Variants in NHSL1 observed in about 807,000 individuals in gnomAD.
NHSL1 encodes NHS like 1.
NHSL1 carries 48 observed loss-of-function variants against 95.0 expected under a neutral mutation model. That is an observed-to-expected ratio of 0.51 (90% CI 0.40 to 0.64). The LOEUF is 0.64. Ranked by LOEUF, NHSL1 falls within the 30% of genes least tolerant of loss-of-function variation. The probability of loss-of-function intolerance (pLI) is 0.00; values close to 1 mark genes in which losing one functional copy is unlikely to be tolerated. For missense variants in NHSL1, 1,971 were observed against 2,077.7 expected, an observed-to-expected ratio of 0.95 and a Z score of 1.00; for synonymous variants, 783 against 833.9, an observed-to-expected ratio of 0.94 and a Z score of 1.05.
intron 3 of NHSL1, among the ~76,000 whole-genome samples, chr6:138,457,055 A>G (rs1777661469): frequency 6.6e-6 from 1 of 151,686 alleles, no homozygotes; most frequent in Non-Finnish European, 1.5e-5. Context: ...TAATTTTTAT[A>G]TTTTCAGTAG....
At chr6:138,632,453 C>T (rs1053807975) in intron 1 of NHSL1, among the ~76,000 whole-genome samples, 2 of 152,200 alleles carry the variant, frequency 1.3e-5, no homozygotes, top group Non-Finnish European at 2.9e-5. Context: ...TGACCCAGCG[C>T]GGTCCTAGTA....
intron 1 of NHSL1, among the ~76,000 whole-genome samples, chr6:138,508,387 T>C (rs1781066122): frequency 2.0e-5 from 3 of 152,208 alleles, no homozygotes; most frequent in Admixed American, 6.5e-5. Context: ...GTTGGAATTA[T>C]TGGTGAGTAT....
rs1784194463 is a variant in NHSL1, at chr6:138,589,621, C to T, written c.97-93250G>A. On this transcript the variant is annotated intron_variant, in intron 1 of 3. Transcript: ENST00000491526. ...CTGTACCCTCCCCAGCCTCCTTTTA[C>T]CCTAAACCCTCATCTATGCCTTCCC... 3.3e-5 allele frequency among the ~76,000 whole-genome samples: 5 copies of T among 152,204 alleles called. 1 individual carries two copies.
intron 1 of NHSL1, among the ~76,000 whole-genome samples, chr6:138,592,107 T>G (rs1237292231): frequency 6.6e-6 from 1 of 152,164 alleles, no homozygotes; most frequent in Non-Finnish European, 1.5e-5. Flanking sequence ...GAGAATTTAA[T>G]TATCACCCTC....
At chr6:138,669,622 GA>G (rs1319963808) in intron 1 of NHSL1, among the ~76,000 whole-genome samples, 1 of 152,204 alleles carries the variant, frequency 6.6e-6, no homozygotes, top group East Asian at 1.9e-4. Flanking sequence ...GGTTAAAACA[GA>G]AGGTTTCTGG....
At chr6:138,603,174 T>C (rs1784392852) in intron 1 of NHSL1, among the ~76,000 whole-genome samples, 1 of 152,210 alleles carries the variant, frequency 6.6e-6, no homozygotes, top group Non-Finnish European at 1.5e-5. Context: ...AGGGGATTAT[T>C]TATACCATTT....
chr6:138,678,650 A>G (rs1785476833), intron 1 of NHSL1, among the ~76,000 whole-genome samples: 1 of 152,218 alleles, frequency 6.6e-6, no homozygotes, highest in South Asian at 2.1e-4. Context: ...ATACTTCATC[A>G]TTTCATCTCT....
chr6:138,594,983 C>A (rs1230172389), intron 1 of NHSL1, among the ~76,000 whole-genome samples: 3 of 152,110 alleles, frequency 2.0e-5, no homozygotes, highest in African/African-American at 7.2e-5. Context: ...AGCACATGAC[C>A]CTAATTTGCA....
chr6:138,483,353 T>C (rs1005930863), intron 2 of NHSL1, among the ~76,000 whole-genome samples: 2 of 152,162 alleles, frequency 1.3e-5, no homozygotes, highest in African/African-American at 2.4e-5. Flanking sequence ...AAAGGGAACA[T>C]AGGATAAAGA....
At chr6:138,559,384 A>G (rs900247668) in intron 1 of NHSL1, among the ~76,000 whole-genome samples, 27 of 152,198 alleles carry the variant, frequency 1.8e-4, no homozygotes, top group African/African-American at 6.5e-4. Flanking sequence ...GTTGGCAATC[A>G]CTCGGTCCTG....
chr6:138,430,986 T>C lies in NHSL1; in HGVS notation c.3359A>G (p.Asn1120Ser). 1 of 1,552,156 alleles carries C rather than the reference T, an allele frequency of 6.4e-7. No homozygotes were observed. The highest frequency in any genetic ancestry group is 8.7e-7 in the Non-Finnish European group (1 of 1,147,100). The change falls in exon 6 of 8, where the codon AAT (asparagine) becomes AGT (serine). Residue 1120 changes from asparagine (N) to serine (S), a missense_variant. Physicochemically the swap from Asn to Ser is conservative, Grantham distance 46. Coordinates refer to ENST00000343505, the MANE Select transcript of NHSL1 (RefSeq NM_001144060.2). This position sits in a 1 kb window ranked among gnomAD's most constrained non-coding sequence, Gnocchi z 4.7. ...LKPSAFLKSRNSTNEMESESQ... is the reference protein window; with the variant it reads ...LKPSAFLKSRSSTNEMESESQ... ...TTCACTCTCCATTTCATTTGTGCTA[T>C]TTCGGGATTTCAGGAAAGCAGATGG... is the stretch of plus-strand genomic sequence containing the variant.
At chr6:138,531,730 T>C (rs1185168115) in intron 1 of NHSL1, among the ~76,000 whole-genome samples, 1 of 152,116 alleles carries the variant, frequency 6.6e-6, no homozygotes, top group African/African-American at 2.4e-5. Context: ...CTTAGGCGGG[T>C]CTTCAATTCC....
At chr6:138,572,176 A>G (rs1313148561) in exon 1 of NHSL1, 5 of 400,162 alleles carry the variant, frequency 1.2e-5, no homozygotes, top group African/African-American at 1.0e-4. Context: ...TCCACGGCCA[A>G]AAAATAATAA....
intron 1 of NHSL1, among the ~76,000 whole-genome samples, chr6:138,682,042 C>T (rs1785519671): frequency 6.7e-6 from 1 of 149,166 alleles, no homozygotes; most frequent in Non-Finnish European, 1.5e-5. Context: ...AGTGCAGTGG[C>T]GTGATCTTGG....
At chr6:138,628,760 A>C in intron 1 of NHSL1, among the ~76,000 whole-genome samples, 1 of 152,208 alleles carries the variant, frequency 6.6e-6, no homozygotes, top group Non-Finnish European at 1.5e-5. Flanking sequence ...AAAGAAAATT[A>C]AAAAGTTCCT....
At chr6:138,672,634 T>C (rs1785387763) in intron 1 of NHSL1, among the ~76,000 whole-genome samples, 1 of 152,222 alleles carries the variant, frequency 6.6e-6, no homozygotes, top group East Asian at 1.9e-4. Flanking sequence ...TTTCCACTTC[T>C]TTTTGAAACA....
At chr6:138,643,491 G>A (rs1414042613) in intron 1 of NHSL1, among the ~76,000 whole-genome samples, 1 of 152,096 alleles carries the variant, frequency 6.6e-6, no homozygotes, top group Non-Finnish European at 1.5e-5. Flanking sequence ...ATTAAACTCA[G>A]TCTAACAAAA....
chr6:138,566,870 T>C (rs1783638175), intron 1 of NHSL1, among the ~76,000 whole-genome samples: 1 of 152,188 alleles, frequency 6.6e-6, no homozygotes, highest in Admixed American at 6.5e-5. Flanking sequence ...TCACAGAATG[T>C]CAACTTCAGT....
intron 5 of NHSL1, 58 bp from the exon 6 acceptor site, chr6:138,433,738 G>A (rs1775877868): frequency 6.3e-6 from 9 of 1,434,684 alleles, no homozygotes; most frequent in South Asian, 4.9e-5. Context: ...AGTTCATCAC[G>A]TGTACCCTCA....
Sources: gnomAD v4.1 joint callset for allele counts (sites outside exome capture counted in the v4.1 genomes callset) on GRCh38, gnomAD v4.1.1 for gene constraint, Gnocchi (gnomAD v3.1) non-coding constraint, MANE v1.5 for transcripts, NCBI Gene and HGNC (gene_info 2026-07-23, HGNC 2026-07-21) for gene names.